The following LPP variants were observed in gnomAD, a reference collection of about 807,000 sequenced individuals.
The protein encoded by LPP is LIM domain containing preferred translocation partner in lipoma.
LPP carries 38 observed loss-of-function variants against 60.4 expected under a neutral mutation model. The ratio of observed to expected loss-of-function variants is 0.63; its 90% CI spans 0.49 to 0.83. The LOEUF (loss-of-function observed/expected upper bound fraction) is 0.83, where lower values mean the gene tolerates loss of function less well. Among genes scored for constraint, LPP ranks in the 40% least tolerant of loss-of-function variants. LPP has a pLI of 0.00. For synonymous variants in LPP, 328 were observed against 290.8 expected (o/e 1.13, Z -1.30); for missense variants, 902 against 783.6 (o/e 1.15, Z -1.80).
chr3:188,405,777 T>C (rs1301703807), intron 3 of LPP, among the ~76,000 whole-genome samples: 1 of 152,234 alleles, frequency 6.6e-6, no homozygotes, highest in African/African-American at 2.4e-5. Flanking sequence ...CCATTTCTTA[T>C]TCATATCTAT....
chr3:188,701,388 A>C (rs1864373475), intron 7 of LPP, among the ~76,000 whole-genome samples: 1 of 152,240 alleles, frequency 6.6e-6, no homozygotes, highest in Non-Finnish European at 1.5e-5. Context: ...TGAAAAAAAA[A>C]AAATCTTTAT....
chr3:188,790,712 C>T (rs1743401206), intron 9 of LPP, among the ~76,000 whole-genome samples: 1 of 151,950 alleles, frequency 6.6e-6, no homozygotes, highest in East Asian at 1.9e-4. Context: ...ATCCCAGCTA[C>T]TCGGGAGGCT....
chr3:188,483,917 C>CT (rs542970737), intron 4 of LPP, among the ~76,000 whole-genome samples: 10 of 152,210 alleles, frequency 6.6e-5, no homozygotes, highest in East Asian at 1.9e-4. Flanking sequence ...AATTCAAACC[C>CT]TTTTTTTGAT....
intron 7 of LPP, among the ~76,000 whole-genome samples, chr3:188,707,970 A>T (rs1169545496): frequency 6.6e-6 from 1 of 152,242 alleles, no homozygotes. Flanking sequence ...TTTCTCATAA[A>T]TGTATAACAG....
In LPP at chr3:188,179,551, C is replaced by A. The variant is rs1050947334; in HGVS notation, c.-190+25299C>A. ...GAGTTCCTCTCGTGCTCTCATATTT[C>A]CATTTAAAGCCCTCTCGAGAGGTCT... On this transcript the variant is annotated intron_variant, in intron 1 of 11. Transcript: ENST00000617246. 8.8e-6 allele frequency: 4 copies of A among 455,048 alleles called. No individual in the cohort carries two copies. The Admixed American group carries it at 9.4e-5, about 11-fold the overall frequency. 28.2% of individuals were successfully genotyped at this position (455,048 alleles called of 1,614,324 possible).
chr3:188,518,894 A>AT (rs58622737), intron 5 of LPP, among the ~76,000 whole-genome samples: 18,902 of 151,242 alleles, frequency 0.12, 3,167 homozygotes, highest in African/African-American at 0.38. Flanking sequence ...TAAGTTTCTG[A>AT]TTTTTTTTTC....
chr3:188,774,693 T>G (rs1010617714), intron 9 of LPP, among the ~76,000 whole-genome samples: 17 of 152,196 alleles, frequency 1.1e-4, no homozygotes, highest in African/African-American at 3.6e-4. Flanking sequence ...TGTAGGATTC[T>G]GCTGAGGACT....
At chr3:188,815,178 C>T (rs955038777) in intron 9 of LPP, among the ~76,000 whole-genome samples, 2 of 152,256 alleles carry the variant, frequency 1.3e-5, no homozygotes, top group East Asian at 3.9e-4. Flanking sequence ...TAGTATTTGC[C>T]ATATGGATAA....
At chr3:188,753,479 T>C (rs555507744) in intron 8 of LPP, among the ~76,000 whole-genome samples, 1 of 152,112 alleles carries the variant, frequency 6.6e-6, no homozygotes, top group African/African-American at 2.4e-5. Flanking sequence ...AGGAGATCAC[T>C]CAGCCTTCAC....
intron 2 of LPP, among the ~76,000 whole-genome samples, chr3:188,276,889 CTTTTCT>C (rs1417142583): frequency 3.3e-4 from 20 of 60,166 alleles, no homozygotes; most frequent in African/African-American, 1.7e-3. Flanking sequence ...CACTTCTTTT[CTTTTCT>C]TTTTTTTTTT....
chr3:188,820,184 A>G (rs1246352455), intron 9 of LPP, among the ~76,000 whole-genome samples: 1 of 152,154 alleles, frequency 6.6e-6, no homozygotes, highest in Non-Finnish European at 1.5e-5. Context: ...ATTATTGCTT[A>G]TGTGCTAAAA....
rs1175998902 is a variant in LPP, at chr3:188,609,860, A to G, written c.1113+16A>G. ...GCAGCCAAAGGTAAGAAACTCAGTA[A>G]CATAAGGAGGAGAATACAGGGGTGC... On this transcript the variant is annotated intron_variant, in intron 7 of 11. Transcript: ENST00000617246. This position sits in a 1 kb window ranked among gnomAD's most constrained non-coding sequence, Gnocchi z 6.9. 6.3e-7 allele frequency: 1 copy of G among 1,599,044 alleles called. No individual in the cohort carries two copies. Among genetic ancestry groups the G allele is most frequent in the Non-Finnish European group, 8.5e-7 (1 of 1,173,422 alleles).
intron 9 of LPP, among the ~76,000 whole-genome samples, chr3:188,796,018 A>C (rs1009228283): frequency 3.3e-5 from 5 of 152,232 alleles, no homozygotes; most frequent in African/African-American, 1.2e-4. Context: ...ACAGCCTATC[A>C]CATGTCAGGC....
intron 7 of LPP, among the ~76,000 whole-genome samples, chr3:188,660,539 A>T (rs919405614): frequency 6.6e-6 from 1 of 152,166 alleles, no homozygotes; most frequent in African/African-American, 2.4e-5. Flanking sequence ...CAAGAATCAA[A>T]TTCATTATTT....
intron 2 of LPP, among the ~76,000 whole-genome samples, chr3:188,287,339 G>C (rs760358308): frequency 6.6e-6 from 1 of 152,240 alleles, no homozygotes; most frequent in Non-Finnish European, 1.5e-5. Flanking sequence ...TTCTCATAGA[G>C]ACATAAACAG....
In LPP at chr3:188,874,504, C is replaced by T; in HGVS notation, c.*25C>T. ...GATTCAGTCACCTGTTCAGCCGGCA[C>T]TGAGAAGAACGAACACAAGAAAAAG... is the stretch of plus-strand genomic sequence containing the variant. On this transcript the variant is annotated 3_prime_UTR_variant, in exon 12 of 12. Transcript: ENST00000617246. The T allele has an allele frequency of 6.2e-7, 1 of 1,607,940 alleles. No homozygotes were observed. Among genetic ancestry groups the T allele is most frequent in the South Asian group, 1.1e-5 (1 of 90,772 alleles).
At chr3:188,771,782 T>G (rs1736125428) in intron 9 of LPP, among the ~76,000 whole-genome samples, 1 of 152,116 alleles carries the variant, frequency 6.6e-6, no homozygotes, top group African/African-American at 2.4e-5. Context: ...TTGCCTAACT[T>G]GAATCACCAA....
chr3:188,599,490 G>C (rs1459335060), intron 6 of LPP, among the ~76,000 whole-genome samples: 1 of 151,978 alleles, frequency 6.6e-6, no homozygotes, highest in African/African-American at 2.4e-5. Context: ...AGAAGTCCAG[G>C]GAGATGTTTT....
chr3:188,767,305 G>A (rs536281921), intron 9 of LPP, among the ~76,000 whole-genome samples: 1 of 152,220 alleles, frequency 6.6e-6, no homozygotes, highest in East Asian at 1.9e-4. Flanking sequence ...GCAGTCTGAA[G>A]AACATTACTT....
Sources: gnomAD v4.1 joint callset for allele counts (sites outside exome capture counted in the v4.1 genomes callset) on GRCh38, gnomAD v4.1.1 for gene constraint, Gnocchi (gnomAD v3.1) non-coding constraint, MANE v1.5 for transcripts, NCBI Gene and HGNC (gene_info 2026-07-23, HGNC 2026-07-21) for gene names.